Variants in BMP1 observed in about 807,000 individuals in gnomAD.
BMP1 encodes bone morphogenetic protein 1, also known as mammalian tolloid protein.
In BMP1, 63 loss-of-function variants were observed where a neutral mutation model predicts 116.8. The observed-to-expected ratio is 0.54, with a 90% CI of 0.44 to 0.67. The LOEUF is 0.67. BMP1 is among the 30% of genes least tolerant of loss of function. BMP1 has a pLI of 0.00. For synonymous variants in BMP1, 536 were observed against 533.4 expected, an observed-to-expected ratio of 1.00 and a Z score of -0.07; for missense variants, 1,183 against 1,358.9, an observed-to-expected ratio of 0.87 and a Z score of 2.04.
In BMP1 at chr8:22,207,435, G is replaced by A; in HGVS notation, c.2494G>A (p.Ala832Thr). The change falls in exon 18 of 20, where the codon GCC (alanine) becomes ACC (threonine). Residue 832 changes from alanine (A) to threonine (T), a missense_variant. Ala to Thr is a moderately conservative substitution (Grantham distance 58). Around this residue, in one of 4 missense-constraint regions of BMP1, gnomAD observed 956 missense variants for 1,135.2 expected, o/e 0.84. Coordinates refer to ENST00000306385, the MANE Select transcript of BMP1 (RefSeq NM_006129.5). ...CGSKKPEPVL[A>T]TGSRMFLRFY... ...GAGCAAGAAGCCCGAGCCCGTCCTG[G>A]CCACAGGCAGCCGCATGTTCCTGCG... The A allele has an allele frequency of 6.2e-7, 1 of 1,614,126 alleles. No individual in the cohort carries two copies. Among genetic ancestry groups the A allele is most frequent in the Non-Finnish European group, 8.5e-7 (1 of 1,180,044 alleles).
chr8:22,174,627 CTTTTTTTT>C (rs57781366), intron 2 of BMP1, among the ~76,000 whole-genome samples: 2,505 of 106,278 alleles, frequency 0.024, 50 homozygotes, highest in Middle Eastern at 0.18. Flanking sequence ...TTTTTTCTGT[CTTTTTTTT>C]TTTTTTTTTT....
intron 15 of BMP1, chr8:22,201,204 G>A: frequency 6.2e-7 from 1 of 1,612,162 alleles, no homozygotes; most frequent in Non-Finnish European, 8.5e-7. Flanking sequence ...CCCCCAGTGA[G>A]GCCTGCCAGG....
At chr8:22,195,822 T>A (rs182021730) in intron 13 of BMP1, among the ~76,000 whole-genome samples, 381 of 152,098 alleles carry the variant, frequency 2.5e-3, no homozygotes, top group African/African-American at 8.3e-3. Context: ...AATTTTAAAA[T>A]TTTTTTTGTA....
At chr8:22,193,763 G>C (rs1464821306) in intron 9 of BMP1, among the ~76,000 whole-genome samples, 1 of 152,196 alleles carries the variant, frequency 6.6e-6, no homozygotes, top group Non-Finnish European at 1.5e-5. Context: ...CAGCCTGGGT[G>C]ACAGAGCGAG....
intron 8 of BMP1, among the ~76,000 whole-genome samples, chr8:22,184,307 A>G (rs1319856404): frequency 6.6e-6 from 1 of 152,180 alleles, no homozygotes; most frequent in Non-Finnish European, 1.5e-5. Flanking sequence ...CTGGGCTAGC[A>G]CTAGTCTCTC....
intron 19 of BMP1, among the ~76,000 whole-genome samples, chr8:22,209,999 G>A (rs993256881): frequency 2.0e-5 from 3 of 152,262 alleles, no homozygotes; most frequent in Non-Finnish European, 4.4e-5. Flanking sequence ...AGCTTCCTCT[G>A]TCCCTCCTTT....
intron 16 of BMP1, 127 bp from the exon 17 acceptor site, chr8:22,206,727 A>AT: frequency 7.3e-7 from 1 of 1,376,186 alleles, no homozygotes; most frequent in Non-Finnish European, 1.0e-6. Context: ...CCTGCCTGCC[A>AT]TCCAGTTCAT....
chr8:22,187,929 G>A (rs1360928583), intron 8 of BMP1, among the ~76,000 whole-genome samples: 1 of 152,144 alleles, frequency 6.6e-6, no homozygotes, highest in African/African-American at 2.4e-5. Flanking sequence ...AGAGGAACTG[G>A]TTGATGGGCC....
Position 22,194,617 on chromosome 8 carries a change from C to T in BMP1, c.1443+27C>T. On this transcript the variant is annotated intron_variant, in intron 11 of 19. Coordinates refer to ENST00000306385, the MANE Select transcript of BMP1 (RefSeq NM_006129.5). This position sits in a 1 kb window ranked among gnomAD's most constrained non-coding sequence, Gnocchi z 4.5. Reference sequence around the variant, plus strand: ...TAGGTCAGTGGCCCTGTGATCTGACCTTTGAATCCAGCAGTTGCTCCCTGG... The same window carrying T: ...TAGGTCAGTGGCCCTGTGATCTGACTTTTGAATCCAGCAGTTGCTCCCTGG... The T allele has an allele frequency of 1.2e-6, 2 of 1,611,404 alleles. No homozygotes were observed.
At chr8:22,181,354 G>A (rs1246538860) in intron 8 of BMP1, among the ~76,000 whole-genome samples, 1 of 152,142 alleles carries the variant, frequency 6.6e-6, no homozygotes, top group Non-Finnish European at 1.5e-5. Flanking sequence ...AGTCTAGCTC[G>A]GATGTGACCT....
chr8:22,177,113 C>T lies in BMP1; in HGVS notation c.704C>T (p.Ser235Phe). The T allele has an allele frequency of 6.2e-7, 1 of 1,609,964 alleles. No homozygotes were observed. The highest frequency in any genetic ancestry group is 8.5e-7 in the Non-Finnish European group (1 of 1,177,636). The change falls in exon 5 of 20, where the codon TCC (serine) becomes TTC (phenylalanine). Residue 235 changes from serine (S) to phenylalanine (F), a missense_variant. Physicochemically the swap from Ser to Phe is radical, Grantham distance 155. Transcript: ENST00000306385. ...HTRPDRDRHV[S>F]IVRENIQPGQ... ...CGGCCAGACCGGGACCGCCACGTTT[C>T]CATCGTTCGTGAGAACATCCAGCCA...
rs766049081 is a variant in BMP1, at chr8:22,201,888, T to G, written c.2193T>G (p.Ser731Arg). 1.9e-6 allele frequency: 3 copies of G among 1,613,756 alleles called. No individual in the cohort carries two copies. Among genetic ancestry groups the G allele is most frequent in the Non-Finnish European group, 1.7e-6 (2 of 1,179,960 alleles). Residue 731 changes from serine to arginine, a missense_variant, in exon 16 of 20, where the codon AGT becomes AGG. Ser to Arg is a moderately radical substitution (Grantham distance 110, BLOSUM62 -1). Around this residue, in one of 4 missense-constraint regions of BMP1, gnomAD observed 956 missense variants for 1,135.2 expected, o/e 0.84. Coordinates refer to ENST00000306385, the MANE Select transcript of BMP1 (RefSeq NM_006129.5). ...GCAGTTATGAGTGCCAATGCCGCAGTGGCTTCGTCCTCCATGACAACAAGC... is the reference window on the plus strand; with the variant it reads ...GCAGTTATGAGTGCCAATGCCGCAGGGGCTTCGTCCTCCATGACAACAAGC... ...TFGSYECQCR[S>R]GFVLHDNKHD...
At chr8:22,186,138 A>G (rs1216910880) in intron 8 of BMP1, among the ~76,000 whole-genome samples, 1 of 151,914 alleles carries the variant, frequency 6.6e-6, no homozygotes, top group Non-Finnish European at 1.5e-5. Context: ...GCCCGGCCCA[A>G]CCCAAATTCT....
chr8:22,179,576 G>A lies in BMP1; in HGVS notation c.837-129G>A, dbSNP rs982927399. ...TGACAGGGTGAGACGACTCCACCCG[G>A]CCCTGACCCTGCTGAGGAATGTCTG... On this transcript the variant is annotated intron_variant, in intron 6 of 19. Coordinates refer to ENST00000306385, the MANE Select transcript of BMP1 (RefSeq NM_006129.5). This position sits in a 1 kb window ranked among gnomAD's most constrained non-coding sequence, Gnocchi z 4.6. 3.2e-5 allele frequency: 49 copies of A among 1,533,084 alleles called. No homozygotes were observed. Among genetic ancestry groups the A allele is most frequent in the Non-Finnish European group, 4.2e-5 (48 of 1,131,882 alleles). 95.0% of individuals were successfully genotyped at this position (1,533,084 alleles called of 1,614,324 possible).
At chr8:22,193,779 A>G (rs1318282437) in intron 9 of BMP1, among the ~76,000 whole-genome samples, 1 of 152,220 alleles carries the variant, frequency 6.6e-6, no homozygotes, top group African/African-American at 2.4e-5. Flanking sequence ...GCGAGACTCC[A>G]TCTCAAAAAA....
rs373100053 is a variant in BMP1 at position 22,194,464 on chromosome 8, G to A, written c.1317G>A (p.Val439=). Residue 439 remains valine, a synonymous_variant, in exon 11 of 20, where the codon GTG becomes GTA. Coordinates refer to ENST00000306385, the MANE Select transcript of BMP1 (RefSeq NM_006129.5). The surrounding 1 kb of genome is among the most constrained non-coding windows in gnomAD (Gnocchi z 4.5). ...CCACAGCCATCTGCGGGGGTGATGTGAAAAAGGACTATGGCCACATTCAAT... is the reference window on the plus strand; with the variant it reads ...CCACAGCCATCTGCGGGGGTGATGTAAAAAAGGACTATGGCCACATTCAAT... ...AVYEAICGGD[V]KKDYGHIQSP... 9.9e-6 allele frequency: 16 copies of A among 1,614,016 alleles called. No individual in the cohort carries two copies. The highest frequency in any genetic ancestry group is 3.3e-5 in the Admixed American group (2 of 59,994).
chr8:22,169,866 C>G (rs984779057), intron 1 of BMP1: 1 of 152,222 alleles, frequency 6.6e-6, no homozygotes, highest in Non-Finnish European at 1.5e-5. Context: ...CCACAGTGCT[C>G]CTGGCAGGTT....
chr8:22,170,501 A>C (rs1828246451), intron 1 of BMP1: 1 of 152,244 alleles, frequency 6.6e-6, no homozygotes, highest in African/African-American at 2.4e-5. Flanking sequence ...TTGTCAGCTA[A>C]TAGTAGCCAA....
At chr8:22,181,120 G>T (rs1051121413) in intron 8 of BMP1, among the ~76,000 whole-genome samples, 1 of 152,216 alleles carries the variant, frequency 6.6e-6, no homozygotes, top group African/African-American at 2.4e-5. Context: ...GGACCCTCCA[G>T]TCTTTGCTCT....
Sources: allele counts gnomAD v4.1 joint callset (sites outside exome capture counted in the v4.1 genomes callset), GRCh38; gene constraint gnomAD v4.1.1; regional missense constraint gnomAD v4.1.1; non-coding constraint Gnocchi (gnomAD v3.1); transcripts MANE v1.5; gene names NCBI Gene and HGNC (gene_info 2026-07-23, HGNC 2026-07-21).